The following VPS33B variants were observed in gnomAD, a reference collection of about 807,000 sequenced individuals.
The protein encoded by VPS33B is vacuolar protein sorting-associated protein 33B.
In VPS33B, 80 loss-of-function variants were observed where a neutral mutation model predicts 95.3. That is an observed-to-expected ratio of 0.84 (90% CI 0.70 to 1.01). The LOEUF is 1.01. Among genes scored for constraint, VPS33B ranks in the 50% least tolerant of loss-of-function variants. VPS33B has a pLI of 0.00. For missense variants in VPS33B, 715 were observed against 773.4 expected, an observed-to-expected ratio of 0.92 and a Z score of 0.90; for synonymous variants, 280 against 280.4, an observed-to-expected ratio of 1.00 and a Z score of 0.01.
rs907114079 is a variant in VPS33B at position 91,015,982 on chromosome 15, A to T, written c.239+981T>A. 1.1e-4 allele frequency among the ~76,000 whole-genome samples: 17 copies of T among 152,210 alleles called. No individual in the cohort carries two copies. Among genetic ancestry groups the T allele is most frequent in the Non-Finnish European group, 2.4e-4 (16 of 68,032 alleles). On this transcript the variant is annotated intron_variant, in intron 3 of 22. Coordinates refer to ENST00000333371, the MANE Select transcript of VPS33B (RefSeq NM_018668.5). The surrounding 1 kb of genome is among the most constrained non-coding windows in gnomAD (Gnocchi z 4.7). ...TGTACATTAATTAAGTTTCAGAAAT[A>T]CTTTAAAATCAAGACAACAGCTGTA... is the stretch of plus-strand genomic sequence containing the variant.
At chr15:91,004,563 G>C (rs1312264254) in intron 16 of VPS33B, among the ~76,000 whole-genome samples, 1 of 151,916 alleles carries the variant, frequency 6.6e-6, no homozygotes. Context: ...CCTTTTTCCT[G>C]GAATGTATCT....
Position 91,002,937 on chromosome 15 carries a change from C to T in VPS33B, c.1272+148G>A, listed in dbSNP as rs1013839313. Reference sequence around the variant, plus strand: ...GGCAGAGAGGCGTGCTGAAAGGTGACTCTCCCTAGTAGCTCTAAGAGGGAG... The same window carrying T: ...GGCAGAGAGGCGTGCTGAAAGGTGATTCTCCCTAGTAGCTCTAAGAGGGAG... On this transcript the variant is annotated intron_variant, in intron 17 of 22. Transcript: ENST00000333371. The surrounding 1 kb of genome is among the most constrained non-coding windows in gnomAD (Gnocchi z 4.7). 1 of 864,482 alleles carries T rather than the reference C, an allele frequency of 1.2e-6. No homozygotes were observed. Among genetic ancestry groups the T allele is most frequent in the Non-Finnish European group, 2.0e-6 (1 of 509,426 alleles). The allele number at this position is 864,482 out of a possible 1,614,324, so 53.6% of individuals were successfully genotyped here. A position where few individuals can be genotyped will look rare whatever the true frequency, so the allele number is the denominator to read the frequency against.
At position 91,005,605 on chromosome 15, in the gene VPS33B, G is replaced by T; in HGVS notation, c.1030+89C>A. ...AAGACCATATGCATCAGATGAACAG[G>T]GATCTCCTCCTCGGGAGTAATGGTC... On this transcript the variant is annotated intron_variant, in intron 13 of 22. Transcript: ENST00000333371. The surrounding 1 kb of genome is among the most constrained non-coding windows in gnomAD (Gnocchi z 6.4). 6.3e-7 allele frequency: 1 copy of T among 1,579,680 alleles called. No individual in the cohort carries two copies.
rs1373595747 is a variant in VPS33B at position 91,006,472 on chromosome 15, G to C, written c.779-27C>G. The C allele has an allele frequency of 6.2e-7, 1 of 1,614,092 alleles. No homozygotes were observed. The highest frequency in any genetic ancestry group is 1.7e-5 in the Admixed American group (1 of 60,026). On this transcript the variant is annotated intron_variant, in intron 10 of 22. Transcript: ENST00000333371. The surrounding 1 kb of genome is among the most constrained non-coding windows in gnomAD (Gnocchi z 5.4). ...TTTGAGAGCAGAGGGACAGCTATTA[G>C]GATCTCCAATGAGGACTTCTCCTAC...
Position 91,018,254 on chromosome 15 carries a change from A to G in VPS33B, c.97-369T>C, listed in dbSNP as rs1318238783. On this transcript the variant is annotated intron_variant, in intron 1 of 22. Transcript: ENST00000333371. This position sits in a 1 kb window ranked among gnomAD's most constrained non-coding sequence, Gnocchi z 4.7. ...TCTCCTGCTGAACAAAGCCAAACAC[A>G]ACAGAACCCCACCTTGCATTTTTCT... is the stretch of plus-strand genomic sequence containing the variant. Among the ~76,000 whole-genome samples the G allele has an allele frequency of 2.0e-5, 3 of 152,192 alleles. No individual in the cohort carries two copies. The highest frequency in any genetic ancestry group is 7.2e-5 in the African/African-American group (3 of 41,510).
In VPS33B at chr15:90,999,007, G is replaced by A; in HGVS notation, c.1822C>T (p.Leu608Phe). 6.2e-7 allele frequency: 1 copy of A among 1,614,184 alleles called. No homozygotes were observed. Among genetic ancestry groups the A allele is most frequent in the African/African-American group, 1.3e-5 (1 of 75,048 alleles). Residue 608 changes from leucine to phenylalanine, a missense_variant, in exon 23 of 23, where the codon CTT becomes TTT. Transcript: ENST00000333371. The surrounding 1 kb of genome is among the most constrained non-coding windows in gnomAD (Gnocchi z 5.1). ...TTCACCTCACTCATGGCCTCCATAAGGCGAGCGCTGTTTGTGACTGCTGTC... is the reference window on the plus strand; with the variant it reads ...TTCACCTCACTCATGGCCTCCATAAAGCGAGCGCTGTTTGTGACTGCTGTC... ...LTTAVTNSAR[L>F]MEAMSEVKA
rs763607853 is a variant in VPS33B at position 90,998,983 on chromosome 15, T to G, written c.1846A>C (p.Lys616Gln). Residue 616 changes from lysine (K) to glutamine (Q), a missense_variant, in exon 23 of 23, where the codon AAA becomes CAA. Lys to Gln is a moderately conservative substitution (Grantham distance 53, BLOSUM62 1). Transcript: ENST00000333371. This position sits in a 1 kb window ranked among gnomAD's most constrained non-coding sequence, Gnocchi z 4.8. ...ARLMEAMSEVKA is the reference protein window; with the variant it reads ...ARLMEAMSEVQA ...ACTGGCCGGGAAAAACATCAGGCTT[T>G]CACCTCACTCATGGCCTCCATAAGG... 6.2e-7 allele frequency: 1 copy of G among 1,614,034 alleles called. No homozygotes were observed. Among genetic ancestry groups the G allele is most frequent in the African/African-American group, 1.3e-5 (1 of 74,934 alleles).
At position 91,010,123 on chromosome 15, in the gene VPS33B, C is replaced by T. The variant is rs1485003967; in HGVS notation, c.358-277G>A. Among the ~76,000 whole-genome samples, 1 of 149,118 alleles carries T rather than the reference C, an allele frequency of 6.7e-6. No homozygotes were observed. Among genetic ancestry groups the T allele is most frequent in the Non-Finnish European group, 1.5e-5 (1 of 68,028 alleles). On this transcript the variant is annotated intron_variant, in intron 5 of 22. Transcript: ENST00000333371. This position sits in a 1 kb window ranked among gnomAD's most constrained non-coding sequence, Gnocchi z 5.7. ...AAAGGAGAAGGAGTTCAGCTGTCTT[C>T]AAAAGGTAAGTTGTACAGACAGAGA...
chr15:91,005,129 A>G lies in VPS33B; in HGVS notation c.1106-10T>C. 1 of 1,614,128 alleles carries G rather than the reference A, an allele frequency of 6.2e-7. No individual in the cohort carries two copies. Among genetic ancestry groups the G allele is most frequent in the Non-Finnish European group, 8.5e-7 (1 of 1,180,046 alleles). ...AACCCCTCTAGCAGTGCTGTGAGTA[A>G]TCAGAGGAGAGCCTGTTACTGGGGG... On this transcript the variant is annotated splice_polypyrimidine_tract_variant and intron_variant, in intron 14 of 22. Transcript: ENST00000333371. This position sits in a 1 kb window ranked among gnomAD's most constrained non-coding sequence, Gnocchi z 6.4.
Position 90,999,320 on chromosome 15 carries a change from T to G in VPS33B, c.1775-266A>C. On this transcript the variant is annotated intron_variant, in intron 22 of 22. Coordinates refer to ENST00000333371, the MANE Select transcript of VPS33B (RefSeq NM_018668.5). This position sits in a 1 kb window ranked among gnomAD's most constrained non-coding sequence, Gnocchi z 5.1. ...TTCCTGTGCAGGACACTTTGCGTGT[T>G]TTTTTTTTTTCTCTTGAGATGGAGT... 4.0e-6 allele frequency: 2 copies of G among 503,230 alleles called. No individual in the cohort carries two copies. Among genetic ancestry groups the G allele is most frequent in the South Asian group, 2.2e-5 (1 of 44,886 alleles). 31.2% of individuals were successfully genotyped at this position (503,230 alleles called of 1,614,324 possible). A position where few individuals can be genotyped will look rare whatever the true frequency, so the allele number is the denominator to read the frequency against.
rs529576385 is a variant in VPS33B at position 91,013,909 on chromosome 15, C to T, written c.290-38G>A. ...GGAATGCAGCCCAGCAAGTCATGGG[C>T]CATCTGTTATGCTAGAAACAGGGAA... On this transcript the variant is annotated intron_variant, in intron 4 of 22. Transcript: ENST00000333371. This position sits in a 1 kb window ranked among gnomAD's most constrained non-coding sequence, Gnocchi z 4.5. 8.6e-5 allele frequency: 139 copies of T among 1,612,172 alleles called. 1 individual carries two copies. The South Asian group carries it at 1.4e-3, about 17-fold the overall frequency.
rs1026334298 is a variant in VPS33B at position 91,001,566 on chromosome 15, A to G, written c.1406-104T>C. ...ACGACAGCACCAATCACATCCAAAA[A>G]CTCTCGGAAGCTGTTCAACTATAAT... On this transcript the variant is annotated intron_variant, in intron 18 of 22. Coordinates refer to ENST00000333371, the MANE Select transcript of VPS33B (RefSeq NM_018668.5). The G allele has an allele frequency of 2.2e-5, 21 of 949,314 alleles. No individual in the cohort carries two copies. In the East Asian group the frequency reaches 2.7e-4, roughly 12 times the overall value. The allele number at this position is 949,314 out of a possible 1,614,324, so 58.8% of individuals were successfully genotyped here.
chr15:91,016,894 T>C, intron 3 of VPS33B, 69 bp downstream of exon 3: 3 of 1,471,024 alleles, frequency 2.0e-6, no homozygotes, highest in East Asian at 2.3e-5. Context: ...CAAGGACAGA[T>C]GAAAGGCAGA....
rs2040392815 is a variant in VPS33B, at chr15:91,000,084, A to G, written c.1582-109T>C. On this transcript the variant is annotated intron_variant, in intron 20 of 22. Transcript: ENST00000333371. The surrounding 1 kb of genome is among the most constrained non-coding windows in gnomAD (Gnocchi z 4.9). ...TTTCTTGCTCATTACTCAAGTAGCA[A>G]AAAGTTGAGACAGGGCCAGGTGTGG... 1.4e-6 allele frequency: 2 copies of G among 1,410,600 alleles called. No homozygotes were observed. Among genetic ancestry groups the G allele is most frequent in the South Asian group, 1.2e-5 (1 of 85,502 alleles). 87.4% of individuals were successfully genotyped at this position (1,410,600 alleles called of 1,614,324 possible).
Position 91,005,325 on chromosome 15 carries a change from G to A in VPS33B, c.1105+55C>T. Reference sequence around the variant, plus strand: ...CATCTTTTAAGGGTGGGACGGGGCTGGGAGCTGGGGAAGTAGAAGCGTGGG... The same window carrying A: ...CATCTTTTAAGGGTGGGACGGGGCTAGGAGCTGGGGAAGTAGAAGCGTGGG... On this transcript the variant is annotated intron_variant, in intron 14 of 22. Transcript: ENST00000333371. This position sits in a 1 kb window ranked among gnomAD's most constrained non-coding sequence, Gnocchi z 6.4. The A allele has an allele frequency of 6.2e-7, 1 of 1,614,066 alleles. No homozygotes were observed. The highest frequency in any genetic ancestry group is 2.2e-5 in the East Asian group (1 of 44,878).
At position 91,007,286 on chromosome 15, in the gene VPS33B, G is replaced by A. The variant is rs1402668358; in HGVS notation, c.603+183C>T. Among the ~76,000 whole-genome samples the A allele has an allele frequency of 6.6e-6, 1 of 152,220 alleles. No individual in the cohort carries two copies. Among genetic ancestry groups the A allele is most frequent in the Non-Finnish European group, 1.5e-5 (1 of 68,036 alleles). ...AAAGAGATTTAGGAATGCTACCCAG[G>A]AGATCCTGGCTTTTGCTTCTCTGTT... is the stretch of plus-strand genomic sequence containing the variant. On this transcript the variant is annotated intron_variant, in intron 8 of 22. Coordinates refer to ENST00000333371, the MANE Select transcript of VPS33B (RefSeq NM_018668.5). The surrounding 1 kb of genome is among the most constrained non-coding windows in gnomAD (Gnocchi z 5.3).
chr15:91,002,092 C>T lies in VPS33B; in HGVS notation c.1363G>A (p.Val455Met), dbSNP rs772233919. 3.2e-5 allele frequency: 51 copies of T among 1,614,076 alleles called. No individual in the cohort carries two copies. The highest frequency in any genetic ancestry group is 1.1e-4 in the African/African-American group (8 of 74,940). Residue 455 changes from valine to methionine, a missense_variant, in exon 18 of 23, where the codon GTG (valine) becomes ATG (methionine). Transcript: ENST00000333371. The surrounding 1 kb of genome is among the most constrained non-coding windows in gnomAD (Gnocchi z 4.7). ...ACCAGCTTGCTCACTTTACTCTCCA[C>T]GGCTGTGAGGGTGTCCCCGGGGGCC... is the stretch of plus-strand genomic sequence containing the variant. ...EQAPGDTLTA[V>M]ESKVSKLVTD...
Position 91,007,034 on chromosome 15 carries a change from A to G in VPS33B, c.616T>C (p.Leu206=). ...IGRCAKMAYE[L]WRNLEEEEDG... is the part of the protein sequence containing the mutation. ...TCCTCCTCCTCCAGGTTCCTCCACAATTCATATGCCATCTGCCAGGGCCCA... is the reference window on the plus strand; with the variant it reads ...TCCTCCTCCTCCAGGTTCCTCCACAGTTCATATGCCATCTGCCAGGGCCCA... The change falls in exon 9 of 23, where the codon TTG becomes CTG. Residue 206 remains leucine (L), a synonymous_variant. Transcript: ENST00000333371. The surrounding 1 kb of genome is among the most constrained non-coding windows in gnomAD (Gnocchi z 5.3). 6.2e-7 allele frequency: 1 copy of G among 1,612,096 alleles called. No homozygotes were observed. Among genetic ancestry groups the G allele is most frequent in the Non-Finnish European group, 8.5e-7 (1 of 1,179,998 alleles).
At chr15:91,022,039 G>A (rs758835833) in intron 1 of VPS33B, 115 bp downstream of exon 1, 10 of 1,219,324 alleles carry the variant, frequency 8.2e-6, no homozygotes, top group Middle Eastern at 3.9e-4. Context: ...CTGGGGAAGC[G>A]CCAAGGACAA....
Sources: gnomAD v4.1 joint callset for allele counts (sites outside exome capture counted in the v4.1 genomes callset) on GRCh38, gnomAD v4.1.1 for gene constraint, Gnocchi (gnomAD v3.1) non-coding constraint, MANE v1.5 for transcripts, NCBI Gene and HGNC (gene_info 2026-07-23, HGNC 2026-07-21) for gene names.